ADCY1: variants seen among roughly 807,000 people sequenced by gnomAD.
ADCY1 encodes adenylate cyclase type 1.
ADCY1 carries 28 observed loss-of-function variants against 105.4 expected under a neutral mutation model. That is an observed-to-expected ratio of 0.27 (90% CI 0.20 to 0.36). ADCY1 has a LOEUF of 0.36. Among genes scored for constraint, ADCY1 ranks in the 10% least tolerant of loss-of-function variants. The pLI is 1.00. For synonymous variants in ADCY1, 655 were observed against 623.8 expected, an observed-to-expected ratio of 1.05 and a Z score of -0.75; for missense variants, 977 against 1,434.2, an observed-to-expected ratio of 0.68 and a Z score of 5.15.
At chr7:45,585,415 C>T (rs1792688355) in intron 1 of ADCY1, among the ~76,000 whole-genome samples, 1 of 149,738 alleles carries the variant, frequency 6.7e-6, no homozygotes, top group African/African-American at 2.5e-5. Context: ...TCGTCACTGG[C>T]AGGGTCCCAT....
At chr7:45,688,851 A>G (rs1318293480) in intron 14 of ADCY1, among the ~76,000 whole-genome samples, 2 of 151,728 alleles carry the variant, frequency 1.3e-5, no homozygotes, top group East Asian at 1.9e-4. Context: ...GAATATTTTT[A>G]TCTCCCTCAA....
In ADCY1 at chr7:45,678,199, G is replaced by A. The variant is rs1190860215; in HGVS notation, c.1834G>A (p.Ala612Thr). 4.3e-6 allele frequency: 7 copies of A among 1,614,018 alleles called. No homozygotes were observed. Among genetic ancestry groups the A allele is most frequent in the East Asian group, 2.2e-5 (1 of 44,884 alleles). Residue 612 changes from alanine to threonine, a missense_variant, in exon 10 of 20, where the codon GCC becomes ACC. By Grantham distance (58) the Ala-to-Thr change is moderately conservative. Transcript: ENST00000297323. ...GCTTCAGGACGAGTATTTCACCAGC[G>A]CCGTTGTCCTCACCCTCATCCTGGC... Reference protein sequence around the residue: ...HQLQDEYFTSAVVLTLILAAL... With the variant: ...HQLQDEYFTSTVVLTLILAAL...
intron 7 of ADCY1, 24 bp from the exon 8 acceptor site, chr7:45,662,035 C>T: frequency 6.2e-7 from 1 of 1,607,842 alleles, no homozygotes; most frequent in East Asian, 2.2e-5. Context: ...AGCATTTCTC[C>T]TTGCCCCTTG....
rs200213576 is a variant in ADCY1, at chr7:45,703,536, C to T, written c.2571+44C>T. The T allele has an allele frequency of 5.6e-5, 91 of 1,613,212 alleles. No individual in the cohort carries two copies. The Admixed American group carries it at 7.2e-4, about 13-fold the overall frequency. ...CCTGGCCAGCACTAGCCCTACACTG[C>T]TCTGGCCACCCCACTTGGCGCTCAC... On this transcript the variant is annotated intron_variant, in intron 15 of 19. Transcript: ENST00000297323. This position sits in a 1 kb window ranked among gnomAD's most constrained non-coding sequence, Gnocchi z 5.9.
chr7:45,586,371 C>T (rs763410944), intron 1 of ADCY1, among the ~76,000 whole-genome samples: 1 of 152,112 alleles, frequency 6.6e-6, no homozygotes, highest in Non-Finnish European at 1.5e-5. Context: ...AACCTGATGA[C>T]GGGAGCTCAG....
intron 1 of ADCY1, among the ~76,000 whole-genome samples, chr7:45,581,225 G>A (rs1792529902): frequency 6.6e-6 from 1 of 152,172 alleles, no homozygotes; most frequent in Non-Finnish European, 1.5e-5. Context: ...AATGGATTGT[G>A]CCTGGGAGGC....
At chr7:45,660,217 C>G (rs760582599) in intron 7 of ADCY1, 34 bp downstream of exon 7, 5 of 1,612,716 alleles carry the variant, frequency 3.1e-6, no homozygotes. Flanking sequence ...TTGGTTGATC[C>G]TTAGCTTCTT....
At chr7:45,645,664 ACAGCT>A (rs2116046101) in intron 4 of ADCY1, among the ~76,000 whole-genome samples, 1 of 152,244 alleles carries the variant, frequency 6.6e-6, no homozygotes, top group East Asian at 1.9e-4. Context: ...TGCTGGGAAC[ACAGCT>A]CAGAGCTGAG....
At chr7:45,655,504 T>A (rs192542951) in intron 5 of ADCY1, among the ~76,000 whole-genome samples, 1 of 152,246 alleles carries the variant, frequency 6.6e-6, no homozygotes, top group South Asian at 2.1e-4. Context: ...CGAAGCCAGC[T>A]TGGGCATCCC....
intron 8 of ADCY1, among the ~76,000 whole-genome samples, chr7:45,665,123 T>A (rs1260244726): frequency 6.6e-6 from 1 of 152,236 alleles, no homozygotes; most frequent in Admixed American, 6.5e-5. Flanking sequence ...TTCTTTTTTA[T>A]GGCTGCAAAA....
rs896765862 is a variant in ADCY1, at chr7:45,721,826, C to T, written c.*7831C>T. On this transcript the variant is annotated 3_prime_UTR_variant, in exon 20 of 20. Coordinates refer to ENST00000297323, the MANE Select transcript of ADCY1 (RefSeq NM_021116.4). The stretch of plus-strand genomic sequence containing the variant: ...CCTGGGCATTGGTTCCTGCTGGTAC[C>T]GGGCGGTTCAGACCTTCAAATAGGT... The T allele has an allele frequency of 3.8e-5, 15 of 398,620 alleles. No individual in the cohort carries two copies. The highest frequency in any genetic ancestry group is 1.2e-4 in the African/African-American group (6 of 48,720). The allele number at this position is 398,620 out of a possible 1,614,324, so 24.7% of individuals were successfully genotyped here.
At chr7:45,607,839 A>G (rs911549758) in intron 2 of ADCY1, among the ~76,000 whole-genome samples, 10 of 152,194 alleles carry the variant, frequency 6.6e-5, no homozygotes, top group African/African-American at 2.4e-4. Flanking sequence ...TATCCAGCCC[A>G]CCATTGATGG....
At position 45,574,951 on chromosome 7, in the gene ADCY1, C is replaced by T. The variant is rs778295490; in HGVS notation, c.408C>T (p.Leu136=). ...TCTTCAGCCTCACCTTCGCGCTGCT[C>T]TGCTGTCCTTTCGCGCTGGGCGGCC... is the stretch of plus-strand genomic sequence containing the variant. ...ALLFSLTFAL[L]CCPFALGGPA... Residue 136 remains leucine, a synonymous_variant, in exon 1 of 20, where the codon CTC becomes CTT. Coordinates refer to ENST00000297323, the MANE Select transcript of ADCY1 (RefSeq NM_021116.4). This position sits in a 1 kb window ranked among gnomAD's most constrained non-coding sequence, Gnocchi z 7.0. The T allele has an allele frequency of 1.9e-6, 3 of 1,612,008 alleles. No homozygotes were observed. The highest frequency in any genetic ancestry group is 1.7e-5 in the Admixed American group (1 of 59,994).
At position 45,720,988 on chromosome 7, in the gene ADCY1, C is replaced by G. The variant is rs1212382389; in HGVS notation, c.*6993C>G. On this transcript the variant is annotated 3_prime_UTR_variant, in exon 20 of 20. Transcript: ENST00000297323. ...GAGAGGCAGGACCAGGGTTCCATTC[C>G]TGCTCTATCCAGTTCCAAGCCCTTG... 1 of 152,246 alleles carries G rather than the reference C, an allele frequency of 6.6e-6. No individual in the cohort carries two copies. Among genetic ancestry groups the G allele is most frequent in the Non-Finnish European group, 1.5e-5 (1 of 68,062 alleles). The allele number at this position is 152,246 out of a possible 1,614,324, so 9.4% of individuals were successfully genotyped here.
In ADCY1 at chr7:45,686,808, C is replaced by G; in HGVS notation, c.2454+135C>G. 1 of 1,318,174 alleles carries G rather than the reference C, an allele frequency of 7.6e-7. No individual in the cohort carries two copies. Among genetic ancestry groups the G allele is most frequent in the Non-Finnish European group, 1.0e-6 (1 of 990,288 alleles). The allele number at this position is 1,318,174 out of a possible 1,614,324, so 81.7% of individuals were successfully genotyped here. On this transcript the variant is annotated intron_variant, in intron 14 of 19. Coordinates refer to ENST00000297323, the MANE Select transcript of ADCY1 (RefSeq NM_021116.4). This position sits in a 1 kb window ranked among gnomAD's most constrained non-coding sequence, Gnocchi z 4.3. ...TCGGAGGGCCCTCCTCAGCAGCATG[C>G]AAGCCAGGCACTGTCCGGGGATGGA...
chr7:45,657,930 C>T, intron 6 of ADCY1, 45 bp downstream of exon 6: 2 of 1,542,500 alleles, frequency 1.3e-6, no homozygotes, highest in Non-Finnish European at 1.8e-6. Context: ...TGGGTGATGG[C>T]TGTGCACCCC....
At chr7:45,680,062 G>A (rs1438453468) in intron 11 of ADCY1, among the ~76,000 whole-genome samples, 1 of 152,246 alleles carries the variant, frequency 6.6e-6, no homozygotes, top group Non-Finnish European at 1.5e-5. Context: ...GCCTAGACAG[G>A]AAGAAAGAGT....
At chr7:45,690,139 G>A (rs1784759920) in intron 14 of ADCY1, among the ~76,000 whole-genome samples, 1 of 152,224 alleles carries the variant, frequency 6.6e-6, no homozygotes, top group African/African-American at 2.4e-5. Context: ...GCTGGCAGGA[G>A]GGCACCTCGG....
intron 3 of ADCY1, 111 bp downstream of exon 3, chr7:45,610,608 G>A: frequency 1.1e-6 from 1 of 943,162 alleles, no homozygotes; most frequent in Non-Finnish European, 1.7e-6. Flanking sequence ...GGATGGAGGT[G>A]GGGAAAGAAT....
Sources: gnomAD v4.1 joint callset for allele counts (sites outside exome capture counted in the v4.1 genomes callset) on GRCh38, gnomAD v4.1.1 for gene constraint, Gnocchi (gnomAD v3.1) non-coding constraint, MANE v1.5 for transcripts, NCBI Gene and HGNC (gene_info 2026-07-23, HGNC 2026-07-21) for gene names.